Variants in ATP8A1 observed in about 807,000 individuals in gnomAD.
The protein encoded by ATP8A1 is phospholipid-transporting ATPase IA.
ATP8A1 carries 90 observed loss-of-function variants against 177.7 expected under a neutral mutation model. That is an observed-to-expected ratio of 0.51 (90% CI 0.43 to 0.60). The LOEUF (loss-of-function observed/expected upper bound fraction) is 0.60, where lower values mean the gene tolerates loss of function less well. Ranked by LOEUF, ATP8A1 falls within the 20% of genes least tolerant of loss-of-function variation. The pLI, the probability that ATP8A1 is intolerant of heterozygous loss-of-function variation, is 0.00. For synonymous variants in ATP8A1, 493 were observed against 485.9 expected (o/e 1.01, Z -0.19); for missense variants, 1,072 against 1,392.8 (o/e 0.77, Z 3.67).
chr4:42,473,684 C>T (rs539525335), intron 25 of ATP8A1, among the ~76,000 whole-genome samples: 159 of 152,080 alleles, frequency 1.0e-3, no homozygotes, highest in Middle Eastern at 6.8e-3. Context: ...CTTGCTCTGT[C>T]GCCCAGGCTG....
At chr4:42,573,439 G>C (rs990505310) in intron 14 of ATP8A1, among the ~76,000 whole-genome samples, 10 of 152,156 alleles carry the variant, frequency 6.6e-5, no homozygotes, top group African/African-American at 2.4e-4. Flanking sequence ...GAGGAGGGTG[G>C]AGGAGGCAGG....
chr4:42,468,700 T>C (rs554064129), intron 25 of ATP8A1, among the ~76,000 whole-genome samples: 178 of 152,184 alleles, frequency 1.2e-3, no homozygotes, highest in African/African-American at 4.1e-3. Context: ...GGACTACAAA[T>C]TGGGTACAGT....
At chr4:42,551,862 T>C (rs1729536686) in intron 17 of ATP8A1, among the ~76,000 whole-genome samples, 1 of 152,150 alleles carries the variant, frequency 6.6e-6, no homozygotes, top group Admixed American at 6.5e-5. Flanking sequence ...AGTTAGTATA[T>C]CCTATAAGTC....
At chr4:42,548,917 A>G (rs903865710) in intron 19 of ATP8A1, 96 bp downstream of exon 19, 10 of 1,003,804 alleles carry the variant, frequency 1.0e-5, no homozygotes, top group South Asian at 1.7e-5. Flanking sequence ...TTAGTTAAAT[A>G]AAAACAAAAC....
At chr4:42,585,050 C>T (rs559052794) in intron 9 of ATP8A1, among the ~76,000 whole-genome samples, 5 of 152,144 alleles carry the variant, frequency 3.3e-5, no homozygotes, top group Non-Finnish European at 5.9e-5. Context: ...GGCACTTTTC[C>T]ACTTGAAGAT....
intron 1 of ATP8A1, among the ~76,000 whole-genome samples, chr4:42,650,302 G>A (rs897253306): frequency 6.6e-6 from 1 of 152,144 alleles, no homozygotes; most frequent in Non-Finnish European, 1.5e-5. Context: ...TTGATGACAT[G>A]CTGTATCGCT....
At position 42,645,997 on chromosome 4, in the gene ATP8A1, C is replaced by T. The variant is rs1353386156; in HGVS notation, c.49+10828G>A. On this transcript the variant is annotated intron_variant, in intron 1 of 36. Transcript: ENST00000381668. The stretch of plus-strand genomic sequence containing the variant: ...CTGGAAAGGGCCAACTAGTCGCAGC[C>T]ACTGGAATAACAATACAATGGTGGA... 4.6e-5 allele frequency among the ~76,000 whole-genome samples: 7 copies of T among 152,150 alleles called. No homozygotes were observed. In the East Asian group the frequency reaches 1.2e-3, roughly 25 times the overall value.
intron 21 of ATP8A1, among the ~76,000 whole-genome samples, chr4:42,522,997 C>A (rs1047910921): frequency 1.3e-5 from 2 of 152,156 alleles, no homozygotes; most frequent in Non-Finnish European, 2.9e-5. Flanking sequence ...GGAAGAGAGA[C>A]CCTGGTGGGG....
At chr4:42,505,379 G>A (rs1724263912) in intron 23 of ATP8A1, among the ~76,000 whole-genome samples, 1 of 152,108 alleles carries the variant, frequency 6.6e-6, no homozygotes, top group Non-Finnish European at 1.5e-5. Flanking sequence ...AACATATCCT[G>A]AACTTGACAT....
intron 1 of ATP8A1, among the ~76,000 whole-genome samples, chr4:42,633,841 C>G (rs769445187): frequency 6.6e-6 from 1 of 152,042 alleles, no homozygotes; most frequent in Non-Finnish European, 1.5e-5. Flanking sequence ...GAAGACGTCT[C>G]AAGGAGATGC....
chr4:42,509,001 C>A (rs1184193885), intron 22 of ATP8A1, among the ~76,000 whole-genome samples: 1 of 152,206 alleles, frequency 6.6e-6, no homozygotes, highest in Non-Finnish European at 1.5e-5. Flanking sequence ...TGTGTATATG[C>A]ATGCATGTAA....
At chr4:42,521,344 G>A (rs1726113164) in intron 22 of ATP8A1, among the ~76,000 whole-genome samples, 2 of 152,128 alleles carry the variant, frequency 1.3e-5, no homozygotes, top group Admixed American at 1.3e-4. Flanking sequence ...TACCCTCTCT[G>A]TTACCTTGGA....
At chr4:42,648,799 G>GA (rs1305458771) in intron 1 of ATP8A1, among the ~76,000 whole-genome samples, 2 of 151,800 alleles carry the variant, frequency 1.3e-5, no homozygotes, top group Admixed American at 6.6e-5. Flanking sequence ...AAACAATTCA[G>GA]AAAAAAATAA....
In ATP8A1 at chr4:42,414,645, A is replaced by C; in HGVS notation, c.3379T>G (p.Leu1127Val). The C allele has an allele frequency of 6.2e-7, 1 of 1,613,912 alleles. No individual in the cohort carries two copies. Among genetic ancestry groups the C allele is most frequent in the Non-Finnish European group, 8.5e-7 (1 of 1,179,792 alleles). ...NHVNLYRSES[L>V]QQNLLHGYAF... ...TACTCACGGAGCAGATTTTGTTGCA[A>C]GGATTCAGAGCGGTACAAGTTCACG... The change falls in exon 36 of 37, where the codon TTG becomes GTG. Residue 1127 changes from leucine (L) to valine (V), a missense_variant. Coordinates refer to ENST00000381668, the MANE Select transcript of ATP8A1 (RefSeq NM_006095.2).
In ATP8A1 at chr4:42,412,948, C is replaced by T. The variant is rs975581993; in HGVS notation, c.3463G>A (p.Asp1155Asn). 1.1e-5 allele frequency: 18 copies of T among 1,613,434 alleles called. No individual in the cohort carries two copies. ...VSQSEVIRAY[D>N]TTKQRPDEW ...TCGTCGGGCCTCTGTTTCGTGGTAT[C>T]ATATGCTCTTATCACTTCAGACTGT... The change falls in exon 37 of 37, where the codon GAT (aspartate) becomes AAT (asparagine). Residue 1155 changes from aspartate to asparagine, a missense_variant. By Grantham distance (23) the Asp-to-Asn change is conservative. Coordinates refer to ENST00000381668, the MANE Select transcript of ATP8A1 (RefSeq NM_006095.2).
chr4:42,530,222 A>C (rs2153201157), intron 20 of ATP8A1, among the ~76,000 whole-genome samples: 1 of 152,346 alleles, frequency 6.6e-6, no homozygotes, highest in East Asian at 1.9e-4. Flanking sequence ...TCTACTCACC[A>C]AGGATGACCT....
chr4:42,470,405 T>G (rs1720269911), intron 25 of ATP8A1, among the ~76,000 whole-genome samples: 1 of 152,190 alleles, frequency 6.6e-6, no homozygotes, highest in African/African-American at 2.4e-5. Flanking sequence ...AAGCTTGTTT[T>G]GCACTCTTAA....
chr4:42,446,827 T>C lies in ATP8A1; in HGVS notation c.2897-183A>G, dbSNP rs546599649. On this transcript the variant is annotated intron_variant, in intron 30 of 36. Coordinates refer to ENST00000381668, the MANE Select transcript of ATP8A1 (RefSeq NM_006095.2). ...AGTGCTAACAAAGCTGCTGTAAAGATAGGCCACAAAAGACAACATTGAAGA... is the reference window on the plus strand; with the variant it reads ...AGTGCTAACAAAGCTGCTGTAAAGACAGGCCACAAAAGACAACATTGAAGA... Among the ~76,000 whole-genome samples the C allele has an allele frequency of 1.3e-4, 19 of 149,774 alleles. 1 individual carries two copies. In the South Asian group the frequency reaches 3.6e-3, roughly 28 times the overall value.
chr4:42,503,965 C>T (rs1724107769), intron 23 of ATP8A1, among the ~76,000 whole-genome samples: 1 of 152,192 alleles, frequency 6.6e-6, no homozygotes, highest in Non-Finnish European at 1.5e-5. Flanking sequence ...AGTACATCCT[C>T]TACCTTCCTA....
Sources: allele counts gnomAD v4.1 joint callset (sites outside exome capture counted in the v4.1 genomes callset), GRCh38; gene constraint gnomAD v4.1.1; transcripts MANE v1.5; gene names NCBI Gene and HGNC (gene_info 2026-07-23, HGNC 2026-07-21).